ZBTB40: variants seen among roughly 807,000 people sequenced by gnomAD.
ZBTB40 encodes the protein zinc finger and BTB domain-containing protein 40.
Under a neutral mutation model 117.5 loss-of-function variants are expected in ZBTB40, and 60 were observed. That is an observed-to-expected ratio of 0.51 (90% CI 0.41 to 0.63). ZBTB40 has a LOEUF of 0.63. Among genes scored for constraint, ZBTB40 ranks in the 30% least tolerant of loss-of-function variants. The pLI, the probability that ZBTB40 is intolerant of heterozygous loss-of-function variation, is 0.00. For missense variants in ZBTB40, 1,287 were observed against 1,498.5 expected (o/e 0.86, Z 2.33); for synonymous variants, 525 against 577.1 (o/e 0.91, Z 1.29).
intron 1 of ZBTB40, among the ~76,000 whole-genome samples, chr1:22,469,315 C>CT (rs1306323036): frequency 6.6e-6 from 1 of 151,034 alleles, no homozygotes; most frequent in Non-Finnish European, 1.5e-5. Context: ...TGTATTACTT[C>CT]TTTTTTTTTA....
intron 1 of ZBTB40, among the ~76,000 whole-genome samples, chr1:22,437,779 A>G (rs1049920745): frequency 6.6e-6 from 1 of 151,698 alleles, no homozygotes; most frequent in African/African-American, 2.4e-5. Flanking sequence ...TACAATCATA[A>G]TGTTGTGCAA....
chr1:22,523,343 A>G (rs1639591567), intron 16 of ZBTB40, among the ~76,000 whole-genome samples: 1 of 152,208 alleles, frequency 6.6e-6, no homozygotes, highest in South Asian at 2.1e-4. Flanking sequence ...ACGTTATTCT[A>G]AGTGCTGTTT....
chr1:22,431,495 T>C (rs552985617), intron 1 of ZBTB40, among the ~76,000 whole-genome samples: 5 of 150,912 alleles, frequency 3.3e-5, no homozygotes, highest in Non-Finnish European at 7.4e-5. Flanking sequence ...TCCCAGCACT[T>C]TGGGAGACCA....
chr1:22,491,724 C>T (rs1156533820), intron 3 of ZBTB40, among the ~76,000 whole-genome samples, 191 bp downstream of exon 3: 1 of 150,874 alleles, frequency 6.6e-6, no homozygotes, highest in Non-Finnish European at 1.5e-5. Context: ...TTCAAAATGA[C>T]ATTACATCTT....
At chr1:22,506,924 A>G (rs1370829474) in intron 6 of ZBTB40, among the ~76,000 whole-genome samples, 51 of 152,186 alleles carry the variant, frequency 3.4e-4, no homozygotes, top group Non-Finnish European at 1.2e-4. Context: ...TATCACTTTT[A>G]TAATATTGAG....
chr1:22,512,173 G>C, intron 11 of ZBTB40, 39 bp downstream of exon 11: 1 of 1,609,932 alleles, frequency 6.2e-7, no homozygotes, highest in Non-Finnish European at 8.5e-7. Context: ...GATGATAATT[G>C]TGGGTTTTAT....
At chr1:22,493,566 C>T (rs1638692069) in intron 3 of ZBTB40, among the ~76,000 whole-genome samples, 1 of 152,122 alleles carries the variant, frequency 6.6e-6, no homozygotes, top group African/African-American at 2.4e-5. Flanking sequence ...ACCATCACCA[C>T]AGTTAAGATG....
chr1:22,490,378 C>T lies in ZBTB40; in HGVS notation c.430C>T (p.Pro144Ser). 6.2e-7 allele frequency: 1 copy of T among 1,613,952 alleles called. No homozygotes were observed. Among genetic ancestry groups the T allele is most frequent in the Non-Finnish European group, 8.5e-7 (1 of 1,179,886 alleles). ...SETFRKEPEK[P>S]QVEILSSEGA... ...GACATTCAGAAAGGAACCAGAGAAG[C>T]CTCAAGTAGAAATCCTTTCATCTGA... The change falls in exon 2 of 18, where the codon CCT (proline) becomes TCT (serine). Residue 144 changes from proline (P) to serine (S), a missense_variant. By Grantham distance (74) the Pro-to-Ser change is moderately conservative (BLOSUM62 -1). Coordinates refer to ENST00000375647, the MANE Select transcript of ZBTB40 (RefSeq NM_014870.4).
chr1:22,481,158 C>A (rs1638297229), intron 1 of ZBTB40, among the ~76,000 whole-genome samples: 1 of 151,356 alleles, frequency 6.6e-6, no homozygotes, highest in South Asian at 2.1e-4. Context: ...TTTTTCAAGC[C>A]TATGTATTTT....
intron 5 of ZBTB40, among the ~76,000 whole-genome samples, chr1:22,505,468 G>T (rs10917243): frequency 6.6e-6 from 1 of 151,894 alleles, no homozygotes; most frequent in Non-Finnish European, 1.5e-5. Context: ...GAGAATCAGA[G>T]GAATGGATAA....
At chr1:22,486,275 G>C (rs1638463995) in intron 1 of ZBTB40, among the ~76,000 whole-genome samples, 1 of 152,210 alleles carries the variant, frequency 6.6e-6, no homozygotes, top group African/African-American at 2.4e-5. Context: ...GTGCCCCTGG[G>C]CTGTGAACTT....
intron 1 of ZBTB40, among the ~76,000 whole-genome samples, chr1:22,456,007 CCT>C (rs773810636): frequency 9.9e-5 from 15 of 152,152 alleles, no homozygotes; most frequent in Non-Finnish European, 1.8e-4. Flanking sequence ...GACCCCTCAG[CCT>C]CTTTCAACTC....
At chr1:22,509,059 C>A in intron 8 of ZBTB40, 41 bp from the exon 9 acceptor site, 1 of 1,613,974 alleles carries the variant, frequency 6.2e-7, no homozygotes, top group South Asian at 1.1e-5. Context: ...AAATGGTGCT[C>A]ATTGTTTGCC....
upstream of ZBTB40, among the ~76,000 whole-genome samples, chr1:22,447,244 A>T (rs931057269): frequency 1.3e-5 from 2 of 152,228 alleles, no homozygotes; most frequent in African/African-American, 4.8e-5. Context: ...AAGGAAATGA[A>T]AGATCATGCT....
chr1:22,445,630 G>A (rs903061277), intron 1 of ZBTB40, among the ~76,000 whole-genome samples: 1 of 152,114 alleles, frequency 6.6e-6, no homozygotes, highest in Non-Finnish European at 1.5e-5. Context: ...GGCCAAGGTG[G>A]GCGGATCATG....
intron 3 of ZBTB40, among the ~76,000 whole-genome samples, chr1:22,496,630 TAGA>T (rs1408163937): frequency 2.0e-5 from 3 of 152,184 alleles, no homozygotes; most frequent in Non-Finnish European, 1.5e-5. Flanking sequence ...CTTCATAGTG[TAGA>T]AGGAGAGATA....
In ZBTB40 at chr1:22,490,014, G is replaced by A. The variant is rs1638578307; in HGVS notation, c.66G>A (p.Gln22=). The A allele has an allele frequency of 1.9e-6, 3 of 1,614,050 alleles. No homozygotes were observed. Among genetic ancestry groups the A allele is most frequent in the Non-Finnish European group, 2.5e-6 (3 of 1,180,030 alleles). The stretch of plus-strand genomic sequence containing the variant: ...TGTACACTCTGTGCAAGGAGCAGCA[G>A]TTCTGTGATTGCACCATCTCCATTG... The part of the protein sequence containing the change: ...QQLYTLCKEQ[Q]FCDCTISIGT... The change falls in exon 2 of 18, where the codon CAG becomes CAA. Residue 22 remains glutamine, a synonymous_variant. Transcript: ENST00000375647.
Position 22,529,498 on chromosome 1 carries a change from C to T in ZBTB40, c.*3102C>T, listed in dbSNP as rs77466878. 2,860 of 152,442 alleles carry T rather than the reference C, an allele frequency of 0.019. 55 individuals carry two copies. Among genetic ancestry groups the T allele is most frequent in the Non-Finnish European group, 0.027 (1,868 of 68,064 alleles). The allele number at this position is 152,442 out of a possible 1,614,324, so 9.4% of individuals were successfully genotyped here. A position where few individuals can be genotyped will look rare whatever the true frequency, so the allele number is the denominator to read the frequency against. ...CAGTTATGGAACAGGACTTGCCCAT[C>T]ATAGGTAAGTGAGACAGCAAATAGA... On this transcript the variant is annotated 3_prime_UTR_variant, in exon 18 of 18. Coordinates refer to ENST00000375647, the MANE Select transcript of ZBTB40 (RefSeq NM_014870.4).
chr1:22,526,678 A>G lies in ZBTB40; in HGVS notation c.*282A>G. 1 of 425,452 alleles carries G rather than the reference A, an allele frequency of 2.4e-6. No individual in the cohort carries two copies. Among genetic ancestry groups the G allele is most frequent in the Non-Finnish European group, 4.4e-6 (1 of 225,392 alleles). 26.4% of individuals were successfully genotyped at this position (425,452 alleles called of 1,614,324 possible). A position where few individuals can be genotyped will look rare whatever the true frequency, so the allele number is the denominator to read the frequency against. On this transcript the variant is annotated 3_prime_UTR_variant, in exon 18 of 18. Transcript: ENST00000375647. ...CTATGACACTGTCCATCCCCAAGTG[A>G]CATGTGGCTTCAGAAGTAGAGTCTG...
Sources: allele counts gnomAD v4.1 joint callset (sites outside exome capture counted in the v4.1 genomes callset), GRCh38; gene constraint gnomAD v4.1.1; transcripts MANE v1.5; gene names NCBI Gene and HGNC (gene_info 2026-07-23, HGNC 2026-07-21).